Variants in L3MBTL4 observed in about 807,000 individuals in gnomAD.
L3MBTL4 encodes L3MBTL histone methyl-lysine binding protein 4.
L3MBTL4 carries 70 observed loss-of-function variants against 84.5 expected under a neutral mutation model. That is an observed-to-expected ratio of 0.83 (90% CI 0.68 to 1.01). The LOEUF is 1.01. Among genes scored for constraint, L3MBTL4 ranks in the 50% least tolerant of loss-of-function variants. The pLI, the probability that L3MBTL4 is intolerant of heterozygous loss-of-function variation, is 0.00. For synonymous variants in L3MBTL4, 274 were observed against 259.8 expected (o/e 1.05, Z -0.52); for missense variants, 715 against 754.8 (o/e 0.95, Z 0.62).
chr18:6,069,264 T>G lies in L3MBTL4; in HGVS notation c.1444+11617A>C, dbSNP rs112950188. 3.9e-4 allele frequency among the ~76,000 whole-genome samples: 60 copies of G among 152,302 alleles called. 2 individuals carry two copies. Among genetic ancestry groups the G allele is most frequent in the African/African-American group, 1.4e-3 (60 of 41,564 alleles). ...CAGGGTGTTGTACGCAGTGGTGATA[T>G]CTGAGGTCACATAGTCATTTTCTCC... On this transcript the variant is annotated intron_variant, in intron 16 of 18. Transcript: ENST00000317931.
chr18:6,369,048 T>TA (rs34169311), intron 1 of L3MBTL4, among the ~76,000 whole-genome samples: 2,125 of 138,206 alleles, frequency 0.015, 48 homozygotes, highest in Admixed American at 0.041. Context: ...TCTCAAAAAT[T>TA]AAAAAAAAAA....
At chr18:6,267,786 A>G (rs770196032) in intron 4 of L3MBTL4, among the ~76,000 whole-genome samples, 1 of 152,230 alleles carries the variant, frequency 6.6e-6, no homozygotes, top group South Asian at 2.1e-4. Context: ...CATAATATCA[A>G]GCAATAAAAG....
At chr18:6,021,745 C>T (rs12606776) in intron 16 of L3MBTL4, among the ~76,000 whole-genome samples, 6,482 of 152,216 alleles carry the variant, frequency 0.043, 165 homozygotes, top group South Asian at 0.075. Context: ...ACCTCTGGTC[C>T]CAGTTCTCCT....
intron 12 of L3MBTL4, among the ~76,000 whole-genome samples, chr18:6,180,332 A>G (rs1295894702): frequency 6.6e-6 from 1 of 151,988 alleles, no homozygotes; most frequent in Non-Finnish European, 1.5e-5. Flanking sequence ...ATATGCCCCC[A>G]ATTTCCAGAT....
chr18:6,365,822 G>A (rs1302810772), intron 1 of L3MBTL4, among the ~76,000 whole-genome samples: 1 of 152,200 alleles, frequency 6.6e-6, no homozygotes, highest in African/African-American at 2.4e-5. Flanking sequence ...ATTAGAGTTT[G>A]CCCTAAGTCA....
intron 14 of L3MBTL4, among the ~76,000 whole-genome samples, chr18:6,109,550 T>G (rs973019061): frequency 1.4e-4 from 22 of 152,132 alleles, no homozygotes; most frequent in African/African-American, 5.3e-4. Flanking sequence ...TCTGAATGAT[T>G]CATTAATACC....
At chr18:6,112,359 C>T (rs528023126) in intron 14 of L3MBTL4, among the ~76,000 whole-genome samples, 29 of 152,296 alleles carry the variant, frequency 1.9e-4, no homozygotes, top group Admixed American at 6.5e-4. Flanking sequence ...CCAGTGAAAT[C>T]TCTCCCTTTG....
chr18:6,270,539 A>C (rs1282232848), intron 4 of L3MBTL4, among the ~76,000 whole-genome samples: 1 of 152,150 alleles, frequency 6.6e-6, no homozygotes, highest in Non-Finnish European at 1.5e-5. Flanking sequence ...AACCCAAACA[A>C]TGTGTCTGGA....
rs141191554 is a variant in L3MBTL4 at position 6,405,097 on chromosome 18, T to C, written c.-91+9704A>G. On this transcript the variant is annotated intron_variant, in intron 1 of 18. Coordinates refer to ENST00000317931, the MANE Select transcript of L3MBTL4 (RefSeq NM_001330559.2). ...ATGCTCATACACAAAGGCATACATG[T>C]TTTGGTGAATTTATGATCTTCACTT... is the stretch of plus-strand genomic sequence containing the variant. Among the ~76,000 whole-genome samples the C allele has an allele frequency of 4.3e-3, 648 of 152,312 alleles. 1 individual carries two copies. Among genetic ancestry groups the C allele is most frequent in the Non-Finnish European group, 6.1e-3 (418 of 68,012 alleles).
chr18:6,075,720 A>G (rs1383769774), intron 16 of L3MBTL4, among the ~76,000 whole-genome samples: 2 of 152,190 alleles, frequency 1.3e-5, no homozygotes, highest in Non-Finnish European at 2.9e-5. Flanking sequence ...GAGTGTGAAA[A>G]GGCAAATGGT....
At chr18:6,245,661 C>A (rs1568373694) in intron 5 of L3MBTL4, among the ~76,000 whole-genome samples, 1 of 150,990 alleles carries the variant, frequency 6.6e-6, no homozygotes, top group African/African-American at 2.4e-5. Flanking sequence ...ATGATCTCAG[C>A]TCACTGCAAC....
chr18:6,087,987 A>G (rs2058313611), intron 15 of L3MBTL4, among the ~76,000 whole-genome samples: 1 of 152,266 alleles, frequency 6.6e-6, no homozygotes, highest in South Asian at 2.1e-4. Context: ...CAATCAACTT[A>G]GGTACACTAA....
intron 4 of L3MBTL4, among the ~76,000 whole-genome samples, chr18:6,271,194 T>C (rs2048851808): frequency 6.6e-6 from 1 of 152,350 alleles, no homozygotes; most frequent in Non-Finnish European, 1.5e-5. Flanking sequence ...ATGTGGTTAA[T>C]AGAGTATTGT....
intron 1 of L3MBTL4, chr18:6,397,449 T>A (rs1284370806): frequency 6.6e-6 from 1 of 152,190 alleles, no homozygotes; most frequent in Non-Finnish European, 1.5e-5. Context: ...CATAATCCAA[T>A]CTTTATTTCA....
At chr18:6,356,988 G>A (rs1245130125) in intron 1 of L3MBTL4, among the ~76,000 whole-genome samples, 1 of 152,202 alleles carries the variant, frequency 6.6e-6, no homozygotes, top group African/African-American at 2.4e-5. Flanking sequence ...CTGGGTGACA[G>A]GAATCTTTCA....
intron 1 of L3MBTL4, among the ~76,000 whole-genome samples, chr18:6,319,084 G>A (rs1380288613): frequency 6.6e-6 from 1 of 152,082 alleles, no homozygotes; most frequent in Non-Finnish European, 1.5e-5. Flanking sequence ...TGACATGAGT[G>A]ACAACAGTGA....
At chr18:5,997,965 A>G (rs969791120) in intron 16 of L3MBTL4, among the ~76,000 whole-genome samples, 15 of 152,200 alleles carry the variant, frequency 9.9e-5, no homozygotes, top group African/African-American at 3.1e-4. Context: ...GGGATATAAG[A>G]GCCACAGAGA....
chr18:6,351,057 G>A lies in L3MBTL4; in HGVS notation c.-90-39001C>T, dbSNP rs563210963. 3.5e-4 allele frequency among the ~76,000 whole-genome samples: 54 copies of A among 152,186 alleles called. 1 individual carries two copies. The South Asian group carries it at 9.1e-3, about 26-fold the overall frequency. On this transcript the variant is annotated intron_variant, in intron 1 of 18. Transcript: ENST00000317931. ...AAATATTTTTAAAAATTAGCCAAGT[G>A]TGGTGGCACGCACCTGTAATCCCAG...
At chr18:6,267,900 T>G (rs922906752) in intron 4 of L3MBTL4, among the ~76,000 whole-genome samples, 7 of 152,234 alleles carry the variant, frequency 4.6e-5, no homozygotes, top group Non-Finnish European at 1.0e-4. Flanking sequence ...CCTCAGAGCC[T>G]GTAGACGGGT....
Sources: gnomAD v4.1 joint callset for allele counts (sites outside exome capture counted in the v4.1 genomes callset) on GRCh38, gnomAD v4.1.1 for gene constraint, MANE v1.5 for transcripts, NCBI Gene and HGNC (gene_info 2026-07-23, HGNC 2026-07-21) for gene names.